GRB7: variants seen among roughly 807,000 people sequenced by gnomAD.
GRB7 encodes the protein growth factor receptor-bound protein 7.
GRB7 carries 47 observed loss-of-function variants against 64.1 expected under a neutral mutation model. The observed-to-expected ratio is 0.73, with a 90% CI of 0.58 to 0.94. The LOEUF (loss-of-function observed/expected upper bound fraction) is 0.94, where lower values mean the gene tolerates loss of function less well. Among genes scored for constraint, GRB7 ranks in the 40% least tolerant of loss-of-function variants. The pLI is 0.00. For missense variants in GRB7, 634 were observed against 718.4 expected, an observed-to-expected ratio of 0.88 and a Z score of 1.34; for synonymous variants, 277 against 279.9, an observed-to-expected ratio of 0.99 and a Z score of 0.10.
chr17:39,746,082 G>A (rs368287452), intron 13 of GRB7, 27 bp from the exon 14 acceptor site: 9 of 1,611,490 alleles, frequency 5.6e-6, no homozygotes, highest in African/African-American at 1.3e-5. Context: ...GGGTAGTAAT[G>A]CTGCCCCATC....
At position 39,744,878 on chromosome 17, in the gene GRB7, C is replaced by G; in HGVS notation, c.913-8C>G. The G allele has an allele frequency of 1.2e-6, 2 of 1,611,352 alleles. No individual in the cohort carries two copies. The highest frequency in any genetic ancestry group is 2.2e-5 in the South Asian group (2 of 91,028). On this transcript the variant is annotated splice_region_variant and splice_polypyrimidine_tract_variant and intron_variant, in intron 8 of 14. Transcript: ENST00000309156. ...GATATGGGACCAGTCAATTTCCTCT[C>G]TCTGCAGCCCAACAAGCTTCGAAAT...
chr17:39,742,110 TA>T, intron 1 of GRB7, 141 bp from the exon 2 acceptor site: 1 of 664,756 alleles, frequency 1.5e-6, no homozygotes, highest in Non-Finnish European at 2.7e-6. Context: ...TCCCCTTTTG[TA>T]AAATGAGGCT....
Position 39,744,153 on chromosome 17 carries a change from T to C in GRB7, c.747T>C (p.Phe249=), listed in dbSNP as rs145787159. The part of the protein sequence containing the change: ...RGSGRKLWKR[F]FCFLRRSGLY... ...CAGGACGGAAGCTTTGGAAACGCTTTTTCTGCTTCTTGCGCCGATCTGGCC... is the reference window on the plus strand; with the variant it reads ...CAGGACGGAAGCTTTGGAAACGCTTCTTCTGCTTCTTGCGCCGATCTGGCC... Residue 249 remains phenylalanine, a synonymous_variant, in exon 7 of 15, where the codon TTT becomes TTC. Coordinates refer to ENST00000309156, the MANE Select transcript of GRB7 (RefSeq NM_005310.5). 9 of 1,613,990 alleles carry C rather than the reference T, an allele frequency of 5.6e-6. No individual in the cohort carries two copies. In the African/African-American group the frequency reaches 1.2e-4, roughly 22 times the overall value.
At chr17:39,742,526 C>G (rs1567926242) in intron 2 of GRB7, 40 bp from the exon 3 acceptor site, 2 of 1,613,428 alleles carry the variant, frequency 1.2e-6, no homozygotes, top group East Asian at 2.2e-5. Context: ...GGCCACTGCT[C>G]CCTTCCCCAC....
intron 1 of GRB7, chr17:39,738,904 C>A: frequency 6.5e-7 from 1 of 1,534,782 alleles, no homozygotes; most frequent in Middle Eastern, 1.7e-4. Flanking sequence ...TCCGGCCCTC[C>A]GATGGGAAAG....
chr17:39,746,049 T>C, intron 13 of GRB7, 49 bp downstream of exon 13: 1 of 1,609,476 alleles, frequency 6.2e-7, no homozygotes, highest in African/African-American at 1.3e-5. Context: ...GAGACTGGGG[T>C]CCAGGTGGCA....
In GRB7 at chr17:39,744,873, C is replaced by T. The variant is rs1567928936; in HGVS notation, c.913-13C>T. ...AGGCAGATATGGGACCAGTCAATTT[C>T]CTCTCTCTGCAGCCCAACAAGCTTC... On this transcript the variant is annotated splice_polypyrimidine_tract_variant and intron_variant, in intron 8 of 14. Coordinates refer to ENST00000309156, the MANE Select transcript of GRB7 (RefSeq NM_005310.5). 2 of 1,609,434 alleles carry T rather than the reference C, an allele frequency of 1.2e-6. No homozygotes were observed. Among genetic ancestry groups the T allele is most frequent in the Admixed American group, 1.7e-5 (1 of 60,010 alleles).
In GRB7 at chr17:39,744,904, G is replaced by A. The variant is rs749395721; in HGVS notation, c.931G>A (p.Gly311Ser). 1 of 1,614,076 alleles carries A rather than the reference G, an allele frequency of 6.2e-7. No individual in the cohort carries two copies. The highest frequency in any genetic ancestry group is 1.1e-5 in the South Asian group (1 of 91,078). Residue 311 changes from glycine to serine, a missense_variant, in exon 9 of 15, where the codon GGC (glycine) becomes AGC (serine). Physicochemically the swap from Gly to Ser is moderately conservative, Grantham distance 56 (BLOSUM62 0). This residue lies in a region of GRB7 where 467 missense variants were observed against 576.6 expected (regional missense o/e 0.81). Coordinates refer to ENST00000309156, the MANE Select transcript of GRB7 (RefSeq NM_005310.5). Reference sequence around the variant, plus strand: ...TCTGCAGCCCAACAAGCTTCGAAATGGCCACAAGGGGCTTCGGATCTTCTG... The same window carrying A: ...TCTGCAGCCCAACAAGCTTCGAAATAGCCACAAGGGGCTTCGGATCTTCTG... ...FCVKPNKLRNGHKGLRIFCSE... is the reference protein window; with the variant it reads ...FCVKPNKLRNSHKGLRIFCSE...
rs151156209 is a variant in GRB7 at position 39,743,012 on chromosome 17, G to A, written c.421G>A (p.Glu141Lys). Residue 141 changes from glutamate (E) to lysine (K), a missense_variant, in exon 4 of 15, where the codon GAG becomes AAG. Physicochemically the swap from Glu to Lys is moderately conservative, Grantham distance 56. Coordinates refer to ENST00000309156, the MANE Select transcript of GRB7 (RefSeq NM_005310.5). ...LVQRAHALSD[E>K]TWGLVECHPH... ...GCAGCGAGCTCACGCCTTGAGCGAC[G>A]AGACCTGGGGGCTGGTGGAGTGCCA... The A allele has an allele frequency of 2.0e-5, 32 of 1,611,982 alleles. No individual in the cohort carries two copies. The East Asian group carries it at 5.8e-4, about 29-fold the overall frequency.
At position 39,745,428 on chromosome 17, in the gene GRB7, G is replaced by A. The variant is rs866241389; in HGVS notation, c.1099G>A (p.Ala367Thr). Residue 367 changes from alanine (A) to threonine (T), a missense_variant, in exon 11 of 15, where the codon GCC becomes ACC. By Grantham distance (58) the Ala-to-Thr change is moderately conservative (BLOSUM62 0). Around this residue, in one of 2 missense-constraint regions of GRB7, gnomAD observed 467 missense variants for 576.6 expected, o/e 0.81. Coordinates refer to ENST00000309156, the MANE Select transcript of GRB7 (RefSeq NM_005310.5). ...SCLGSPPLRS[A>T]SDNTLVAMDF... ...CCTCTCCTTCCATCTCCAGAGAAGT[G>A]CCTCAGATAATACCCTGGTGGCCAT... 1.2e-6 allele frequency: 2 copies of A among 1,613,746 alleles called. No individual in the cohort carries two copies. The highest frequency in any genetic ancestry group is 2.7e-5 in the African/African-American group (2 of 74,926).
rs1193774383 is a variant in GRB7, at chr17:39,738,075, C to G, written c.-109C>G. On this transcript the variant is annotated 5_prime_UTR_variant, in exon 1 of 15. Coordinates refer to ENST00000309156, the MANE Select transcript of GRB7 (RefSeq NM_005310.5). Reference sequence around the variant, plus strand: ...AATAAAATCCAGGAATCTGGGGGTTCCTAGACGGAGCCAGACTTCGGAACG... The same window carrying G: ...AATAAAATCCAGGAATCTGGGGGTTGCTAGACGGAGCCAGACTTCGGAACG... 1 of 152,342 alleles carries G rather than the reference C, an allele frequency of 6.6e-6. No individual in the cohort carries two copies. The highest frequency in any genetic ancestry group is 1.5e-5 in the Non-Finnish European group (1 of 68,068). The allele number at this position is 152,342 out of a possible 1,614,324, so 9.4% of individuals were successfully genotyped here.
chr17:39,744,730 G>C, intron 8 of GRB7, 67 bp downstream of exon 8: 1 of 1,422,342 alleles, frequency 7.0e-7, no homozygotes, highest in Non-Finnish European at 9.7e-7. Context: ...CCTGGATCCT[G>C]CCCGGGGCTT....
At chr17:39,745,125 T>A in intron 9 of GRB7, 118 bp from the exon 10 acceptor site, 1 of 1,097,564 alleles carries the variant, frequency 9.1e-7, no homozygotes, top group Non-Finnish European at 1.3e-6. Flanking sequence ...TTATAGGAAG[T>A]GCCCATCGAA....
At chr17:39,741,922 A>G (rs1040924765) in intron 1 of GRB7, among the ~76,000 whole-genome samples, 4 of 137,056 alleles carry the variant, frequency 2.9e-5, no homozygotes, top group African/African-American at 1.1e-4. Context: ...AGGCACGAGA[A>G]TTACTTGAAC....
chr17:39,741,885 C>T (rs1402138376), intron 1 of GRB7, among the ~76,000 whole-genome samples: 1 of 147,204 alleles, frequency 6.8e-6, no homozygotes, highest in Non-Finnish European at 1.5e-5. Context: ...TGGTGGGCAC[C>T]TGTAATCCCA....
intron 6 of GRB7, 82 bp downstream of exon 6, chr17:39,743,552 C>A: frequency 4.5e-6 from 5 of 1,106,756 alleles, no homozygotes; most frequent in Non-Finnish European, 7.0e-6. Context: ...TCCTGTGCCT[C>A]CCCTCTATGT....
intron 7 of GRB7, 55 bp from the exon 8 acceptor site, chr17:39,744,498 G>T: frequency 7.1e-7 from 1 of 1,405,230 alleles, no homozygotes. Context: ...TGTGGGGGGA[G>T]GTAATAGTGG....
chr17:39,738,877 T>G, intron 1 of GRB7: 1 of 1,534,808 alleles, frequency 6.5e-7, no homozygotes, highest in Non-Finnish European at 8.7e-7. Context: ...TTGTATGCCC[T>G]TCTCAGCAAC....
chr17:39,744,828 G>A, intron 8 of GRB7, 58 bp from the exon 9 acceptor site: 1 of 1,448,234 alleles, frequency 6.9e-7, no homozygotes, highest in Admixed American at 1.7e-5. Flanking sequence ...TGTGGAGCAG[G>A]GGCAGACATG....
Sources: gnomAD v4.1 joint callset for allele counts (sites outside exome capture counted in the v4.1 genomes callset) on GRCh38, gnomAD v4.1.1 for gene constraint, gnomAD v4.1.1 regional missense constraint, MANE v1.5 for transcripts, NCBI Gene and HGNC (gene_info 2026-07-23, HGNC 2026-07-21) for gene names.